Variants in EYA2 observed in about 807,000 individuals in gnomAD.
EYA2 encodes the protein protein phosphatase EYA2.
Under a neutral mutation model 69.2 loss-of-function variants are expected in EYA2, and 31 were observed. The observed-to-expected ratio is 0.45, with a 90% CI of 0.34 to 0.60. The LOEUF is 0.60. EYA2 is among the 20% of genes least tolerant of loss of function. The pLI is 0.02. For missense variants in EYA2, 622 were observed against 701.2 expected (o/e 0.89, Z 1.28); for synonymous variants, 257 against 279.4 (o/e 0.92, Z 0.80).
intron 9 of EYA2, among the ~76,000 whole-genome samples, chr20:47,127,800 T>G (rs1482353367): frequency 6.6e-6 from 1 of 152,208 alleles, no homozygotes; most frequent in Non-Finnish European, 1.5e-5. Context: ...AATTCAAGCT[T>G]CTTAGAGCAA....
chr20:46,970,662 T>C (rs1980083039), intron 1 of EYA2, among the ~76,000 whole-genome samples: 1 of 152,204 alleles, frequency 6.6e-6, no homozygotes, highest in Non-Finnish European at 1.5e-5. Context: ...CTCTGCTACA[T>C]TATTTCAGTG....
At chr20:46,899,060 C>T (rs1983962034) in intron 1 of EYA2, among the ~76,000 whole-genome samples, 1 of 152,092 alleles carries the variant, frequency 6.6e-6, no homozygotes, top group South Asian at 2.1e-4. Flanking sequence ...GGATTCTTGC[C>T]GCAACCCCTT....
chr20:46,979,703 C>T (rs1980702076), intron 1 of EYA2: 1 of 152,164 alleles, frequency 6.6e-6, no homozygotes, highest in Admixed American at 6.5e-5. Context: ...CAGAGCTCAA[C>T]TCTGCCCCTC....
intron 5 of EYA2, among the ~76,000 whole-genome samples, chr20:47,021,551 C>T (rs1057191975): frequency 1.3e-5 from 2 of 150,010 alleles, no homozygotes; most frequent in African/African-American, 4.9e-5. Context: ...CGCTTGAACC[C>T]GGGTAGTGGA....
Position 47,135,839 on chromosome 20 carries a change from AAACAAACAAACAAAC to A in EYA2, c.889-7217_889-7203del, listed in dbSNP as rs1325555580. On this transcript the variant is annotated intron_variant, in intron 9 of 15. Transcript: ENST00000327619. Reference sequence around the variant, plus strand: ...TCTACAAAAAAAAAAAAAAAAAAAAAAACAAACAAACAAACAAAAAACTAATTAATTAATTAATTA... The same window carrying A: ...TCTACAAAAAAAAAAAAAAAAAAAAAAAAAAACTAATTAATTAATTAATTA... 2.8e-3 allele frequency among the ~76,000 whole-genome samples: 219 copies of A among 78,220 alleles called. 14 individuals carry two copies. Among genetic ancestry groups the A allele is most frequent in the African/African-American group, 0.019 (182 of 9,626 alleles). The allele number at this position is 78,220 out of a possible 152,430, so 51.3% of individuals were successfully genotyped here. A position where few individuals can be genotyped will look rare whatever the true frequency, so the allele number is the denominator to read the frequency against.
intron 9 of EYA2, among the ~76,000 whole-genome samples, chr20:47,136,823 C>A (rs181904884): frequency 2.0e-5 from 3 of 152,218 alleles, no homozygotes; most frequent in Non-Finnish European, 4.4e-5. Flanking sequence ...AGCCTCTCTC[C>A]TGAAGGGCAG....
intron 1 of EYA2, among the ~76,000 whole-genome samples, chr20:46,930,726 C>T (rs907153509): frequency 1.3e-5 from 2 of 152,188 alleles, no homozygotes; most frequent in African/African-American, 2.4e-5. Flanking sequence ...GCATGAGACA[C>T]TTATGTTCCT....
chr20:47,046,557 C>T (rs77326056), intron 5 of EYA2, among the ~76,000 whole-genome samples: 5,551 of 152,182 alleles, frequency 0.036, 349 homozygotes, highest in African/African-American at 0.13. Flanking sequence ...TCCCTTGGTA[C>T]AAACATCCAG....
intron 10 of EYA2, among the ~76,000 whole-genome samples, chr20:47,147,690 G>C (rs1467898715): frequency 6.6e-6 from 1 of 152,206 alleles, no homozygotes; most frequent in Non-Finnish European, 1.5e-5. Context: ...CAGAGGACAA[G>C]GATTGAAGCA....
At chr20:46,950,054 T>A (rs995552903) in intron 1 of EYA2, among the ~76,000 whole-genome samples, 3 of 152,224 alleles carry the variant, frequency 2.0e-5, no homozygotes, top group Non-Finnish European at 4.4e-5. Flanking sequence ...CCACTGTGCA[T>A]GCAAAGTGCT....
chr20:47,061,811 A>G (rs1329091611), intron 5 of EYA2, among the ~76,000 whole-genome samples: 1 of 152,192 alleles, frequency 6.6e-6, no homozygotes, highest in African/African-American at 2.4e-5. Context: ...TGTGAGTTGC[A>G]TGCTAATCAC....
At chr20:47,162,757 G>A (rs142080626) in intron 10 of EYA2, among the ~76,000 whole-genome samples, 2,802 of 151,738 alleles carry the variant, frequency 0.018, 97 homozygotes, top group African/African-American at 0.064. Context: ...GGGCTCAGGA[G>A]ATGCACCCTC....
chr20:47,177,344 T>C (rs1272961331), intron 12 of EYA2, among the ~76,000 whole-genome samples: 2 of 152,160 alleles, frequency 1.3e-5, no homozygotes, highest in Non-Finnish European at 2.9e-5. Context: ...AACCCCTGGC[T>C]CAAGCGATCC....
intron 1 of EYA2, among the ~76,000 whole-genome samples, chr20:46,953,831 G>A (rs143608050): frequency 3.2e-4 from 49 of 152,132 alleles, no homozygotes; most frequent in African/African-American, 9.4e-4. Context: ...GGCATAGATC[G>A]CGTGAATAAG....
At chr20:47,123,417 A>G (rs552955575) in intron 9 of EYA2, among the ~76,000 whole-genome samples, 12 of 152,254 alleles carry the variant, frequency 7.9e-5, no homozygotes, top group African/African-American at 2.9e-4. Context: ...GTCTTTCCAC[A>G]AGGTCAGGCT....
At chr20:47,055,296 G>T (rs1303488244) in intron 5 of EYA2, among the ~76,000 whole-genome samples, 1 of 152,204 alleles carries the variant, frequency 6.6e-6, no homozygotes, top group Non-Finnish European at 1.5e-5. Context: ...AGAAACTCTG[G>T]TCTTTATGGG....
intron 9 of EYA2, among the ~76,000 whole-genome samples, chr20:47,107,312 G>A (rs975645081): frequency 1.3e-5 from 2 of 151,920 alleles, no homozygotes; most frequent in Admixed American, 1.3e-4. Flanking sequence ...ATGACTTGAG[G>A]CCAGGAGTTC....
chr20:47,090,936 C>T (rs1248153675), intron 8 of EYA2, among the ~76,000 whole-genome samples: 1 of 152,036 alleles, frequency 6.6e-6, no homozygotes, highest in Non-Finnish European at 1.5e-5. Context: ...AGCAAACTCA[C>T]CGGTTTATAC....
chr20:47,172,110 A>G lies in EYA2; in HGVS notation c.1038-597A>G, dbSNP rs1451798784. Among the ~76,000 whole-genome samples the G allele has an allele frequency of 2.1e-5, 3 of 140,494 alleles. No individual in the cohort carries two copies. In the East Asian group the frequency reaches 6.5e-4, roughly 30 times the overall value. 92.2% of individuals were successfully genotyped at this position (140,494 alleles called of 152,430 possible). A position where few individuals can be genotyped will look rare whatever the true frequency, so the allele number is the denominator to read the frequency against. On this transcript the variant is annotated intron_variant, in intron 11 of 15. Coordinates refer to ENST00000327619, the MANE Select transcript of EYA2 (RefSeq NM_005244.5). ...CAAGACTCCATCTCAAAATAAATAA[A>G]AAAAAATAAAAAAAATAAAAAAATA... is the stretch of plus-strand genomic sequence containing the variant.
Sources: gnomAD v4.1 joint callset for allele counts (sites outside exome capture counted in the v4.1 genomes callset) on GRCh38, gnomAD v4.1.1 for gene constraint, MANE v1.5 for transcripts, NCBI Gene and HGNC (gene_info 2026-07-23, HGNC 2026-07-21) for gene names.